Variants in CNTNAP5 observed in about 807,000 individuals in gnomAD.
The protein encoded by CNTNAP5 is contactin associated protein family member 5.
CNTNAP5 carries 72 observed loss-of-function variants against 150.2 expected under a neutral mutation model. The observed-to-expected ratio is 0.48, with a 90% CI of 0.40 to 0.58. The LOEUF (loss-of-function observed/expected upper bound fraction) is 0.58, where lower values mean the gene tolerates loss of function less well. CNTNAP5 is among the 20% of genes least tolerant of loss of function. The pLI, the probability that CNTNAP5 is intolerant of heterozygous loss-of-function variation, is 0.00. For synonymous variants in CNTNAP5, 672 were observed against 619.8 expected, an observed-to-expected ratio of 1.08 and a Z score of -1.25; for missense variants, 1,636 against 1,626.2, an observed-to-expected ratio of 1.01 and a Z score of -0.10.
intron 17 of CNTNAP5, 147 bp downstream of exon 17, chr2:124,773,164 A>T: frequency 1.5e-6 from 1 of 686,492 alleles, no homozygotes; most frequent in Non-Finnish European, 2.5e-6. Context: ...CATTCTATAC[A>T]TTCTTTTATT....
intron 10 of CNTNAP5, among the ~76,000 whole-genome samples, chr2:124,534,889 G>A (rs1695193233): frequency 6.6e-6 from 1 of 152,102 alleles, no homozygotes; most frequent in South Asian, 2.1e-4. Context: ...CTGTGACTAA[G>A]AATGCCTAAT....
At chr2:124,719,631 T>C (rs530662746) in intron 13 of CNTNAP5, among the ~76,000 whole-genome samples, 128 of 152,312 alleles carry the variant, frequency 8.4e-4, no homozygotes, top group African/African-American at 3.0e-3. Flanking sequence ...TACGTAATAG[T>C]TTCTCTTGTG....
At position 124,563,268 on chromosome 2, in the gene CNTNAP5, T is replaced by C; in HGVS notation, c.1701T>C (p.Thr567=). The C allele has an allele frequency of 6.3e-7, 1 of 1,590,146 alleles. No homozygotes were observed. ...GAGGAAGCTGCTCCCAGTCCTGGAC[T>C]ACCTTCTATTGTAACTGCAGTGACA... The part of the protein sequence containing the change: ...EHGGSCSQSW[T]TFYCNCSDTS... Residue 567 remains threonine (T), a synonymous_variant, in exon 11 of 24, where the codon ACT becomes ACC. Coordinates refer to ENST00000682447, the MANE Select transcript of CNTNAP5 (RefSeq NM_001367498.1).
At chr2:124,414,924 C>T (rs1047128001) in intron 3 of CNTNAP5, among the ~76,000 whole-genome samples, 2 of 152,094 alleles carry the variant, frequency 1.3e-5, no homozygotes, top group African/African-American at 2.4e-5. Context: ...AGAGAAGGTT[C>T]CACAGTTAGG....
At chr2:124,113,168 A>G (rs1683339048) in intron 1 of CNTNAP5, among the ~76,000 whole-genome samples, 1 of 152,132 alleles carries the variant, frequency 6.6e-6, no homozygotes, top group African/African-American at 2.4e-5. Context: ...CCTCTGAATC[A>G]CATGCACATC....
intron 14 of CNTNAP5, among the ~76,000 whole-genome samples, chr2:124,756,231 C>A (rs2105156055): frequency 6.6e-6 from 1 of 152,228 alleles, no homozygotes; most frequent in East Asian, 1.9e-4. Flanking sequence ...CATCTTATAC[C>A]AGTCAGAATG....
At chr2:124,580,688 G>A (rs377498920) in intron 11 of CNTNAP5, among the ~76,000 whole-genome samples, 11 of 151,982 alleles carry the variant, frequency 7.2e-5, no homozygotes, top group East Asian at 5.8e-4. Context: ...TGCAGTCTCC[G>A]TCTCTCTCTC....
chr2:124,706,076 G>A (rs978172299), intron 13 of CNTNAP5, among the ~76,000 whole-genome samples: 2 of 152,152 alleles, frequency 1.3e-5, no homozygotes, highest in African/African-American at 4.8e-5. Flanking sequence ...AATCTATGCA[G>A]ATTTGACCTT....
At chr2:124,769,464 C>T (rs764006544) in intron 16 of CNTNAP5, among the ~76,000 whole-genome samples, 6 of 151,726 alleles carry the variant, frequency 4.0e-5, no homozygotes, top group East Asian at 3.9e-4. Flanking sequence ...AGAAGGCATT[C>T]GTCAGAAGGT....
intron 3 of CNTNAP5, among the ~76,000 whole-genome samples, chr2:124,416,043 G>GT (rs991335431): frequency 1.3e-4 from 19 of 151,292 alleles, no homozygotes; most frequent in South Asian, 4.2e-4. Flanking sequence ...TTAATTTTTA[G>GT]TTTTTTTTTC....
chr2:124,592,731 G>A (rs1573481548), intron 11 of CNTNAP5, among the ~76,000 whole-genome samples: 1 of 150,992 alleles, frequency 6.6e-6, no homozygotes, highest in South Asian at 2.1e-4. Flanking sequence ...CATCTTTTAT[G>A]TGTTTTAGAT....
At chr2:124,287,494 T>C (rs1558835183) in intron 3 of CNTNAP5, among the ~76,000 whole-genome samples, 1 of 152,218 alleles carries the variant, frequency 6.6e-6, no homozygotes, top group Non-Finnish European at 1.5e-5. Flanking sequence ...TGTTTATTTA[T>C]TGTGTTTTTA....
intron 12 of CNTNAP5, among the ~76,000 whole-genome samples, chr2:124,638,475 T>C (rs945507589): frequency 6.6e-6 from 1 of 152,148 alleles, no homozygotes; most frequent in African/African-American, 2.4e-5. Context: ...TTTTTTCTTT[T>C]TTATAGTTAT....
chr2:124,842,728 G>A (rs1256627536), intron 19 of CNTNAP5, among the ~76,000 whole-genome samples: 2 of 152,010 alleles, frequency 1.3e-5, no homozygotes, highest in Non-Finnish European at 2.9e-5. Flanking sequence ...AATAGTTTGG[G>A]GATTTGGTAC....
chr2:124,552,762 G>A (rs6737746), intron 10 of CNTNAP5, among the ~76,000 whole-genome samples: 11,962 of 152,168 alleles, frequency 0.079, 523 homozygotes, highest in African/African-American at 0.11. Flanking sequence ...AAAGCCATGA[G>A]CAGAAATATA....
intron 10 of CNTNAP5, among the ~76,000 whole-genome samples, chr2:124,554,330 A>C (rs1444728796): frequency 6.6e-6 from 1 of 152,186 alleles, no homozygotes; most frequent in Non-Finnish European, 1.5e-5. Context: ...CATTCAGAAA[A>C]TAAACATTTA....
At chr2:124,259,007 C>A (rs1177654) in intron 3 of CNTNAP5, among the ~76,000 whole-genome samples, 155 of 121,866 alleles carry the variant, frequency 1.3e-3, no homozygotes, top group South Asian at 5.3e-3. Context: ...TCCCTCCCCC[C>A]TCCCCCCACC....
chr2:124,418,305 T>A (rs1328929675), intron 4 of CNTNAP5, among the ~76,000 whole-genome samples: 1 of 152,188 alleles, frequency 6.6e-6, no homozygotes, highest in Non-Finnish European at 1.5e-5. Context: ...CCCTAATGCA[T>A]AAACACATTT....
At chr2:124,315,242 A>G (rs1688935216) in intron 3 of CNTNAP5, among the ~76,000 whole-genome samples, 1 of 152,210 alleles carries the variant, frequency 6.6e-6, no homozygotes, top group South Asian at 2.1e-4. Flanking sequence ...GTTACAGGGC[A>G]TGAGCCACCA....
Sources: allele counts gnomAD v4.1 joint callset (sites outside exome capture counted in the v4.1 genomes callset), GRCh38; gene constraint gnomAD v4.1.1; transcripts MANE v1.5; gene names NCBI Gene and HGNC (gene_info 2026-07-23, HGNC 2026-07-21).